FRMD4A: variants seen among roughly 807,000 people sequenced by gnomAD.
The protein encoded by FRMD4A is FERM domain-containing protein 4A.
In FRMD4A, 29 loss-of-function variants were observed where a neutral mutation model predicts 129.1. That is an observed-to-expected ratio of 0.22 (90% CI 0.17 to 0.31). The LOEUF (loss-of-function observed/expected upper bound fraction) is 0.31. FRMD4A is among the 10% of genes least tolerant of loss of function. The probability of loss-of-function intolerance (pLI) is 1.00; values close to 1 mark genes in which losing one functional copy is unlikely to be tolerated. For missense variants in FRMD4A, 1,272 were observed against 1,375.8 expected (o/e 0.92, Z 1.19); for synonymous variants, 634 against 571.6 (o/e 1.11, Z -1.56).
At chr10:14,152,627 G>A (rs903736328) in intron 2 of FRMD4A, among the ~76,000 whole-genome samples, 10 of 152,020 alleles carry the variant, frequency 6.6e-5, no homozygotes, top group African/African-American at 1.7e-4. Context: ...GCTTGAGGCC[G>A]GGAGTTCAAA....
chr10:13,740,595 G>A lies in FRMD4A; in HGVS notation c.549-18C>T, dbSNP rs772204045. On this transcript the variant is annotated intron_variant, in intron 9 of 24. Coordinates refer to ENST00000357447, the MANE Select transcript of FRMD4A (RefSeq NM_018027.5). ...TGTCTTCACTGTAATTAGAAGAAAAGAATGCTGTTGTTGGAGTCTCTAGGT... is the reference window on the plus strand; with the variant it reads ...TGTCTTCACTGTAATTAGAAGAAAAAAATGCTGTTGTTGGAGTCTCTAGGT... 2 of 1,413,914 alleles carry A rather than the reference G, an allele frequency of 1.4e-6. No homozygotes were observed. The highest frequency in any genetic ancestry group is 2.9e-5 in the African/African-American group (2 of 70,104). 87.6% of individuals were successfully genotyped at this position (1,413,914 alleles called of 1,614,324 possible).
chr10:13,963,984 T>G (rs78910933), intron 2 of FRMD4A, among the ~76,000 whole-genome samples: 3,018 of 149,182 alleles, frequency 0.02, 83 homozygotes, highest in African/African-American at 0.067. Flanking sequence ...GGTGAACCAC[T>G]GATCATTATA....
At chr10:13,708,078 T>A (rs1398907495) in intron 12 of FRMD4A, 1 of 167,516 alleles carries the variant, frequency 6.0e-6, no homozygotes. Flanking sequence ...ACCTTCCACA[T>A]ACTGGGAATT....
chr10:14,273,279 T>C (rs111944509), intron 2 of FRMD4A, among the ~76,000 whole-genome samples: 11 of 152,010 alleles, frequency 7.2e-5, no homozygotes, highest in Non-Finnish European at 1.5e-4. Context: ...TATATATCTT[T>C]TTAGGGGGCA....
intron 2 of FRMD4A, among the ~76,000 whole-genome samples, chr10:14,293,010 A>G (rs74595451): frequency 0.013 from 1,845 of 144,662 alleles, 22 homozygotes; most frequent in Non-Finnish European, 0.02. Context: ...ATGACAAAGG[A>G]TAAGTATCAT....
rs182390897 is a variant in FRMD4A at position 13,932,199 on chromosome 10, T to C, written c.46-73287A>G. Among the ~76,000 whole-genome samples the C allele has an allele frequency of 4.6e-5, 7 of 152,372 alleles. No individual in the cohort carries two copies. The East Asian group carries it at 1.3e-3, about 29-fold the overall frequency. On this transcript the variant is annotated intron_variant, in intron 2 of 24. Coordinates refer to ENST00000357447, the MANE Select transcript of FRMD4A (RefSeq NM_018027.5). ...ACCTGGTCCTCTGCTTTGTCCTTGG[T>C]TCCTTTAGAATCTAGCACAGTAAGT...
chr10:14,128,937 G>C (rs973784003), intron 2 of FRMD4A, among the ~76,000 whole-genome samples: 3 of 152,132 alleles, frequency 2.0e-5, no homozygotes, highest in Non-Finnish European at 1.5e-5. Context: ...ATGGGTGCCT[G>C]GATGGAAGGC....
chr10:14,187,711 G>T (rs141897099), intron 2 of FRMD4A, among the ~76,000 whole-genome samples: 164 of 152,356 alleles, frequency 1.1e-3, no homozygotes, highest in African/African-American at 3.8e-3. Context: ...AGCCTGGGAG[G>T]TTAAGGCAGC....
intron 11 of FRMD4A, among the ~76,000 whole-genome samples, chr10:13,739,356 C>T (rs2090852341): frequency 6.6e-6 from 1 of 152,212 alleles, no homozygotes; most frequent in Non-Finnish European, 1.5e-5. Context: ...ACTGCAACAG[C>T]AGATTGACCA....
intron 2 of FRMD4A, among the ~76,000 whole-genome samples, chr10:14,236,058 G>A (rs1385113522): frequency 1.3e-5 from 2 of 152,210 alleles, no homozygotes; most frequent in African/African-American, 2.4e-5. Flanking sequence ...CTTCATGCAC[G>A]ATCATCTGCC....
chr10:14,236,995 CAAAAAAAAAAAA>C (rs71477244), intron 2 of FRMD4A, among the ~76,000 whole-genome samples: 31 of 75,392 alleles, frequency 4.1e-4, no homozygotes, highest in African/African-American at 6.1e-4. Flanking sequence ...AACAGGTCAG[CAAAAAAAAAAAA>C]AAAAAAAAAA....
At chr10:14,166,101 ATAAC>A (rs1226130099) in intron 2 of FRMD4A, among the ~76,000 whole-genome samples, 1 of 151,262 alleles carries the variant, frequency 6.6e-6, no homozygotes, top group African/African-American at 2.4e-5. Context: ...TATATATTTG[ATAAC>A]TAATATATAA....
chr10:13,760,841 C>T lies in FRMD4A; in HGVS notation c.464+806G>A, dbSNP rs187074675. On this transcript the variant is annotated intron_variant, in intron 8 of 24. Coordinates refer to ENST00000357447, the MANE Select transcript of FRMD4A (RefSeq NM_018027.5). ...TGGTTCACTCTTTTTGCCTCTAAACCTTGATTCTCCAGAATGGGCTACCCT... is the reference window on the plus strand; with the variant it reads ...TGGTTCACTCTTTTTGCCTCTAAACTTTGATTCTCCAGAATGGGCTACCCT... Among the ~76,000 whole-genome samples, 4 of 149,150 alleles carry T rather than the reference C, an allele frequency of 2.7e-5. No homozygotes were observed. In the East Asian group the frequency reaches 8.0e-4, roughly 30 times the overall value.
intron 2 of FRMD4A, among the ~76,000 whole-genome samples, chr10:13,872,731 T>C (rs2094451191): frequency 6.6e-6 from 1 of 152,206 alleles, no homozygotes; most frequent in Non-Finnish European, 1.5e-5. Flanking sequence ...CTTTGCCACA[T>C]GGAGCTCTGG....
chr10:13,891,835 C>A (rs2094701473), intron 2 of FRMD4A: 3 of 736,782 alleles, frequency 4.1e-6, no homozygotes, highest in Non-Finnish European at 5.0e-6. Flanking sequence ...CCTCTCGCGC[C>A]GAGCCTGGCC....
chr10:13,902,404 T>C (rs1420637468), intron 2 of FRMD4A, among the ~76,000 whole-genome samples: 2 of 150,154 alleles, frequency 1.3e-5, no homozygotes, highest in Admixed American at 6.7e-5. Context: ...TGGAGATATC[T>C]ATACATGGAG....
At chr10:13,670,377 G>T in intron 17 of FRMD4A, 29 bp downstream of exon 17, 1 of 1,608,588 alleles carries the variant, frequency 6.2e-7, no homozygotes. Flanking sequence ...TAACATGAGA[G>T]AATCCAACAA....
At position 13,675,056 on chromosome 10, in the gene FRMD4A, C is replaced by T. The variant is rs1003292420; in HGVS notation, c.1118-12G>A. The T allele has an allele frequency of 6.2e-7, 1 of 1,610,800 alleles. No individual in the cohort carries two copies. Among genetic ancestry groups the T allele is most frequent in the Non-Finnish European group, 8.5e-7 (1 of 1,179,762 alleles). ...TGATTCCTGAGAACCTGTCGATAAA[C>T]AGTGGGGTTACTTGGCCAGCTGACA... On this transcript the variant is annotated splice_polypyrimidine_tract_variant and intron_variant, in intron 15 of 24. Transcript: ENST00000357447.
chr10:13,752,653 GAAA>G (rs1368067055), intron 8 of FRMD4A, among the ~76,000 whole-genome samples: 4 of 152,146 alleles, frequency 2.6e-5, no homozygotes, highest in Non-Finnish European at 5.9e-5. Context: ...CTGCAATTCA[GAAA>G]CAGTAATATA....
Sources: gnomAD v4.1 joint callset for allele counts (sites outside exome capture counted in the v4.1 genomes callset) on GRCh38, gnomAD v4.1.1 for gene constraint, MANE v1.5 for transcripts, NCBI Gene and HGNC (gene_info 2026-07-23, HGNC 2026-07-21) for gene names.